Variants in VRK2 observed in about 807,000 individuals in gnomAD.
VRK2 encodes serine/threonine-protein kinase VRK2.
A neutral mutation model predicts 57.6 loss-of-function variants in VRK2; 60 were observed. That is an observed-to-expected ratio of 1.04 (90% CI 0.85 to 1.29). The LOEUF is 1.29. Ranked by LOEUF, VRK2 falls within the 50% of genes most tolerant of loss-of-function variation. The pLI, the probability that VRK2 is intolerant of heterozygous loss-of-function variation, is 0.00. For missense variants in VRK2, 705 were observed against 588.1 expected, an observed-to-expected ratio of 1.20 and a Z score of -2.06; for synonymous variants, 231 against 199.2, an observed-to-expected ratio of 1.16 and a Z score of -1.35.
At chr2:58,091,074 T>C (rs1672308956) in intron 7 of VRK2, among the ~76,000 whole-genome samples, 1 of 152,200 alleles carries the variant, frequency 6.6e-6, no homozygotes, top group African/African-American at 2.4e-5. Context: ...GAAGGATGAA[T>C]GAGTGAAGCA....
chr2:58,146,731 A>C (rs1682199026), intron 12 of VRK2, among the ~76,000 whole-genome samples: 1 of 151,868 alleles, frequency 6.6e-6, no homozygotes, highest in Admixed American at 6.6e-5. Context: ...AGTGCACTTA[A>C]ATTTCTTTTG....
chr2:58,071,686 A>G (rs1669380073), intron 2 of VRK2, among the ~76,000 whole-genome samples: 1 of 151,894 alleles, frequency 6.6e-6, no homozygotes, highest in African/African-American at 2.4e-5. Context: ...CATTTTCTTA[A>G]TTATTGTTTA....
chr2:57,984,978 A>AG (rs970560125), intron 1 of VRK2, among the ~76,000 whole-genome samples: 1 of 151,904 alleles, frequency 6.6e-6, no homozygotes, highest in African/African-American at 2.4e-5. Context: ...CTAAAAAAAA[A>AG]TGTTATGAGG....
intron 1 of VRK2, among the ~76,000 whole-genome samples, chr2:57,923,073 T>G (rs915135672): frequency 6.6e-6 from 1 of 152,082 alleles, no homozygotes; most frequent in African/African-American, 2.4e-5. Flanking sequence ...TACGGCTGAA[T>G]AGTACTCCAT....
At chr2:57,984,690 A>C (rs781170370) in intron 1 of VRK2, among the ~76,000 whole-genome samples, 1 of 152,110 alleles carries the variant, frequency 6.6e-6, no homozygotes, top group African/African-American at 2.4e-5. Flanking sequence ...CAGTACATTG[A>C]CATTGTCCTT....
At chr2:58,078,968 G>T (rs1446847064) in intron 2 of VRK2, among the ~76,000 whole-genome samples, 1 of 152,086 alleles carries the variant, frequency 6.6e-6, no homozygotes, top group Non-Finnish European at 1.5e-5. Flanking sequence ...CCACTGCACT[G>T]AGCTGATTTT....
At position 57,922,624 on chromosome 2, in the gene VRK2, A is replaced by G. The variant is rs377614574; in HGVS notation, c.-439+14785A>G. Among the ~76,000 whole-genome samples the G allele has an allele frequency of 3.5e-4, 53 of 152,002 alleles. 1 individual carries two copies. In the South Asian group the frequency reaches 0.01, roughly 30 times the overall value. ...TTTAGATTTTAATTTTTGTGGGTAC[A>G]TAGGTGTATATATCTATGGGTTACA... On this transcript the variant is annotated intron_variant, in intron 1 of 15. Coordinates refer to the VRK2 transcript ENST00000417641.
intron 1 of VRK2, among the ~76,000 whole-genome samples, chr2:57,950,994 A>T (rs764969099): frequency 5.9e-5 from 9 of 152,164 alleles, no homozygotes; most frequent in Non-Finnish European, 1.0e-4. Context: ...CAGGAGGCTG[A>T]GGCAGGGAAA....
At chr2:57,958,779 A>G (rs923068219) in intron 1 of VRK2, among the ~76,000 whole-genome samples, 6 of 152,152 alleles carry the variant, frequency 3.9e-5, no homozygotes, top group African/African-American at 1.4e-4. Flanking sequence ...ATAAATTAAT[A>G]TCATTGGTCA....
intron 1 of VRK2, among the ~76,000 whole-genome samples, chr2:58,005,570 A>G (rs1368315557): frequency 1.3e-5 from 2 of 152,180 alleles, no homozygotes; most frequent in Non-Finnish European, 2.9e-5. Flanking sequence ...ATGTTGATGC[A>G]AAACAAATCT....
chr2:58,027,796 A>G (rs879361241), intron 2 of VRK2, among the ~76,000 whole-genome samples: 6 of 152,208 alleles, frequency 3.9e-5, no homozygotes, highest in Non-Finnish European at 8.8e-5. Context: ...ATGGGAGGCC[A>G]AAGAGAATAA....
intron 7 of VRK2, among the ~76,000 whole-genome samples, chr2:58,093,650 C>T (rs1041148403): frequency 1.3e-5 from 2 of 152,072 alleles, no homozygotes; most frequent in African/African-American, 4.8e-5. Context: ...TTTTGCTGTG[C>T]AGAAGCTCTT....
chr2:58,159,912 CT>C (rs1684848796), downstream of VRK2: 1 of 1,543,956 alleles, frequency 6.5e-7, no homozygotes, highest in African/African-American at 1.4e-5. Context: ...TTGGAAAACA[CT>C]TCTGAAGTTT....
At position 58,024,347 on chromosome 2, in the gene VRK2, G is replaced by A. The variant is rs551116525; in HGVS notation, c.-438-1318G>A. Among the ~76,000 whole-genome samples, 515 of 152,142 alleles carry A rather than the reference G, an allele frequency of 3.4e-3. 7 individuals carry two copies. The highest frequency in any genetic ancestry group is 0.012 in the African/African-American group (490 of 41,510). ...CAGTGGCAAATATTTCCAATTTAGA[G>A]GTAGATATGACAGGATTAGAAAATA... On this transcript the variant is annotated intron_variant, in intron 1 of 15. Transcript: ENST00000417641.
chr2:58,135,240 A>AG (rs755418757), intron 10 of VRK2, 41 bp downstream of exon 10: 1 of 1,609,882 alleles, frequency 6.2e-7, no homozygotes, highest in East Asian at 2.2e-5. Flanking sequence ...TACGATTTAC[A>AG]GGTTGCCACA....
At chr2:58,088,737 A>C (rs554500217) in intron 6 of VRK2, among the ~76,000 whole-genome samples, 1 of 152,328 alleles carries the variant, frequency 6.6e-6, no homozygotes, top group East Asian at 1.9e-4. Flanking sequence ...TGCTGTAAGA[A>C]TAACCTTTCT....
intron 7 of VRK2, among the ~76,000 whole-genome samples, chr2:58,113,515 G>T (rs1675905748): frequency 6.6e-6 from 1 of 152,094 alleles, no homozygotes; most frequent in Non-Finnish European, 1.5e-5. Flanking sequence ...GTGCAGGTGG[G>T]CTGAGTCCAA....
chr2:57,942,832 G>GA (rs1671142800), intron 1 of VRK2, among the ~76,000 whole-genome samples: 1 of 152,160 alleles, frequency 6.6e-6, no homozygotes, highest in East Asian at 1.9e-4. Flanking sequence ...AACCGATGCA[G>GA]AATGACTTCA....
At chr2:58,058,589 A>G in intron 2 of VRK2, 1 of 276,274 alleles carries the variant, frequency 3.6e-6, no homozygotes, top group Non-Finnish European at 7.3e-6. Flanking sequence ...AAAAGAATGA[A>G]AGAAGAGTCT....
Sources: allele counts gnomAD v4.1 joint callset (sites outside exome capture counted in the v4.1 genomes callset), GRCh38; gene constraint gnomAD v4.1.1; transcripts MANE v1.5; gene names NCBI Gene and HGNC (gene_info 2026-07-23, HGNC 2026-07-21).